The following GRAMD1B variants were observed in gnomAD, a reference collection of about 807,000 sequenced individuals.
The protein encoded by GRAMD1B is GRAM domain containing 1B.
Under a neutral mutation model 99.7 loss-of-function variants are expected in GRAMD1B, and 37 were observed. That is an observed-to-expected ratio of 0.37 (90% CI 0.29 to 0.49). The LOEUF is 0.49. Ranked by LOEUF, GRAMD1B falls within the 20% of genes least tolerant of loss-of-function variation. GRAMD1B has a pLI of 0.98. For synonymous variants in GRAMD1B, 427 were observed against 387.6 expected (o/e 1.10, Z -1.19); for missense variants, 888 against 1,009.2 (o/e 0.88, Z 1.63).
chr11:123,566,743 G>C (rs1012683538), intron 2 of GRAMD1B, among the ~76,000 whole-genome samples: 2 of 151,536 alleles, frequency 1.3e-5, no homozygotes, highest in Non-Finnish European at 2.9e-5. Flanking sequence ...TCTAGCCTGG[G>C]AGACAGAGCG....
At chr11:123,376,868 C>T (rs990091927) in intron 1 of GRAMD1B, among the ~76,000 whole-genome samples, 1 of 152,142 alleles carries the variant, frequency 6.6e-6, no homozygotes, top group African/African-American at 2.4e-5. Context: ...CAAGTAGTTG[C>T]TGAGTTCAGA....
intron 1 of GRAMD1B, among the ~76,000 whole-genome samples, chr11:123,411,967 A>C (rs1001475821): frequency 3.9e-5 from 6 of 152,192 alleles, no homozygotes; most frequent in Non-Finnish European, 8.8e-5. Flanking sequence ...TATTATGAAC[A>C]AGTGAAATCT....
Position 123,510,796 on chromosome 11 carries a change from G to A in GRAMD1B, c.452+29903G>A, listed in dbSNP as rs528084654. ...TCTCTCTCCTCCTCTCCCTCAGCCC[G>A]CCACTCGTGAGCATCCAGGGGCTGT... On this transcript the variant is annotated intron_variant, in intron 2 of 19. Coordinates refer to ENST00000635736, the MANE Select transcript of GRAMD1B (RefSeq NM_001387025.1). The surrounding 1 kb of genome is among the most constrained non-coding windows in gnomAD (Gnocchi z 4.3). 3.9e-5 allele frequency among the ~76,000 whole-genome samples: 6 copies of A among 152,244 alleles called. No homozygotes were observed. The highest frequency in any genetic ancestry group is 2.1e-4 in the South Asian group (1 of 4,818).
chr11:123,458,836 T>G (rs140434285), intron 1 of GRAMD1B: 5 of 152,216 alleles, frequency 3.3e-5, no homozygotes, highest in African/African-American at 1.2e-4. Flanking sequence ...ATTTTCAAAT[T>G]TCAAGTCTGC....
At chr11:123,415,597 G>T (rs1230374247) in intron 1 of GRAMD1B, among the ~76,000 whole-genome samples, 1 of 151,898 alleles carries the variant, frequency 6.6e-6, no homozygotes, top group Non-Finnish European at 1.5e-5. Context: ...TATCATTAAG[G>T]TCTTTGATCT....
chr11:123,519,696 T>A (rs1302735887), intron 2 of GRAMD1B, among the ~76,000 whole-genome samples: 1 of 152,172 alleles, frequency 6.6e-6, no homozygotes, highest in Non-Finnish European at 1.5e-5. Flanking sequence ...GAGGGGCACA[T>A]AGGGAGAGCA....
At chr11:123,605,975 G>C (rs1397016636) in intron 10 of GRAMD1B, among the ~76,000 whole-genome samples, 1 of 152,218 alleles carries the variant, frequency 6.6e-6, no homozygotes, top group Non-Finnish European at 1.5e-5. Flanking sequence ...GTGGGACTCT[G>C]TTAATAGAGG....
chr11:123,445,933 G>A (rs962651171), intron 1 of GRAMD1B, among the ~76,000 whole-genome samples: 1 of 151,984 alleles, frequency 6.6e-6, no homozygotes, highest in Non-Finnish European at 1.5e-5. Flanking sequence ...ATACTATTGG[G>A]AAAGTTCTAC....
intron 1 of GRAMD1B, among the ~76,000 whole-genome samples, chr11:123,377,503 A>AG (rs562505835): frequency 3.5e-4 from 54 of 152,310 alleles, no homozygotes; most frequent in African/African-American, 1.2e-3. Flanking sequence ...AAGGAAGAGA[A>AG]GGGGTCTGTG....
intron 1 of GRAMD1B, among the ~76,000 whole-genome samples, chr11:123,397,949 A>C (rs1265958071): frequency 1.3e-5 from 2 of 152,214 alleles, no homozygotes; most frequent in Non-Finnish European, 2.9e-5. Context: ...AGAGTATTCC[A>C]TTGTTTGGGT....
chr11:123,373,239 G>A (rs1946586330), intron 1 of GRAMD1B, among the ~76,000 whole-genome samples: 2 of 152,312 alleles, frequency 1.3e-5, no homozygotes, highest in African/African-American at 4.8e-5. Context: ...GGCTAAAACT[G>A]TGTTGAGCAG....
At chr11:123,489,047 CAGGGG>C (rs1461164332) in intron 2 of GRAMD1B, among the ~76,000 whole-genome samples, 1 of 151,982 alleles carries the variant, frequency 6.6e-6, no homozygotes, top group East Asian at 1.9e-4. Flanking sequence ...GGGGCAGATT[CAGGGG>C]CCACTGGACT....
intron 12 of GRAMD1B, among the ~76,000 whole-genome samples, chr11:123,609,183 C>T (rs1953181223): frequency 6.6e-6 from 1 of 152,204 alleles, no homozygotes; most frequent in Non-Finnish European, 1.5e-5. Flanking sequence ...CACAGCTACC[C>T]TGTGTGTGGA....
intron 1 of GRAMD1B, among the ~76,000 whole-genome samples, chr11:123,359,093 C>T (rs745379706): frequency 6.6e-6 from 1 of 152,096 alleles, no homozygotes; most frequent in African/African-American, 2.4e-5. Context: ...GCGGAGCTGG[C>T]TTCCTTCTCC....
At chr11:123,427,415 A>C (rs1162762828), upstream of GRAMD1B, among the ~76,000 whole-genome samples, 9 of 152,342 alleles carry the variant, frequency 5.9e-5, no homozygotes, top group East Asian at 1.7e-3. Flanking sequence ...GTGATGTATG[A>C]AAGCTCTTTC....
chr11:123,617,798 A>G (rs922528883), intron 17 of GRAMD1B, among the ~76,000 whole-genome samples: 9 of 152,118 alleles, frequency 5.9e-5, no homozygotes, highest in African/African-American at 2.2e-4. Context: ...CTTGTTATAC[A>G]GTGAGTTTAG....
At chr11:123,473,635 G>A (rs1031551757) in intron 1 of GRAMD1B, among the ~76,000 whole-genome samples, 1 of 152,148 alleles carries the variant, frequency 6.6e-6, no homozygotes, top group Non-Finnish European at 1.5e-5. Flanking sequence ...TATTTAGCTG[G>A]ATTTTGAATC....
At chr11:123,372,102 C>T (rs550437585) in intron 1 of GRAMD1B, among the ~76,000 whole-genome samples, 1 of 152,244 alleles carries the variant, frequency 6.6e-6, no homozygotes, top group South Asian at 2.1e-4. Flanking sequence ...ACCTGTTATC[C>T]TGCCTTACAG....
chr11:123,462,891 TAAAAA>T (rs1022451957), intron 1 of GRAMD1B, among the ~76,000 whole-genome samples: 33 of 111,414 alleles, frequency 3.0e-4, no homozygotes, highest in Non-Finnish European at 1.6e-4. Flanking sequence ...AAAAATAAAT[TAAAAA>T]AAAAAAAAAA....
Sources: allele counts gnomAD v4.1 joint callset (sites outside exome capture counted in the v4.1 genomes callset), GRCh38; gene constraint gnomAD v4.1.1; non-coding constraint Gnocchi (gnomAD v3.1); transcripts MANE v1.5; gene names NCBI Gene and HGNC (gene_info 2026-07-23, HGNC 2026-07-21).